The following OLFM3 variants were observed in gnomAD, a reference collection of about 807,000 sequenced individuals.
OLFM3 encodes the protein noelin-3.
A neutral mutation model predicts 48.6 loss-of-function variants in OLFM3; 20 were observed. The observed-to-expected ratio is 0.41, with a 90% CI of 0.29 to 0.60. OLFM3 has a LOEUF of 0.60. OLFM3 is among the 20% of genes least tolerant of loss of function. The pLI is 0.28. For synonymous variants in OLFM3, 222 were observed against 198.1 expected, an observed-to-expected ratio of 1.12 and a Z score of -1.01; for missense variants, 437 against 544.3, an observed-to-expected ratio of 0.80 and a Z score of 1.96.
intron 1 of OLFM3, among the ~76,000 whole-genome samples, chr1:101,875,501 C>T (rs1657262138): frequency 2.0e-5 from 3 of 152,112 alleles, no homozygotes; most frequent in Admixed American, 1.3e-4. Flanking sequence ...TATAGGAACA[C>T]TACTTTCCGC....
intron 4 of OLFM3, among the ~76,000 whole-genome samples, chr1:101,816,174 G>T (rs1037683324): frequency 6.6e-6 from 1 of 152,118 alleles, no homozygotes; most frequent in African/African-American, 2.4e-5. Context: ...GAAAAAGTGT[G>T]GTGATCCCAG....
intron 1 of OLFM3, 85 bp downstream of exon 1, chr1:101,996,662 GT>G: frequency 7.1e-7 from 1 of 1,411,988 alleles, no homozygotes; most frequent in Admixed American, 1.7e-5. Flanking sequence ...CTCTCGTCCC[GT>G]TTTTGACATA....
Position 101,804,909 on chromosome 1 carries a change from A to G in OLFM3, c.706T>C (p.Tyr236His). 6.2e-7 allele frequency: 1 copy of G among 1,606,666 alleles called. No individual in the cohort carries two copies. Among genetic ancestry groups the G allele is most frequent in the South Asian group, 1.1e-5 (1 of 90,400 alleles). The change falls in exon 6 of 6, where the codon TAC becomes CAC. Residue 236 changes from tyrosine to histidine, a missense_variant. This residue lies in a region of OLFM3 where 314 missense variants were observed against 365.5 expected (regional missense o/e 0.86). Transcript: ENST00000370103. This position sits in a 1 kb window ranked among gnomAD's most constrained non-coding sequence, Gnocchi z 4.5. Reference sequence around the variant, plus strand: ...TTATTGTTAGTATAACTGTCCATGTACCAGACCTGAGAAGAAGGAAAAAAA... The same window carrying G: ...TTATTGTTAGTATAACTGTCCATGTGCCAGACCTGAGAAGAAGGAAAAAAA... The part of the protein sequence containing the change: ...LASEKNNRVW[Y>H]MDSYTNNKIV...
intron 1 of OLFM3, among the ~76,000 whole-genome samples, chr1:101,973,402 G>T (rs1049786399): frequency 2.6e-5 from 4 of 152,136 alleles, no homozygotes; most frequent in African/African-American, 9.7e-5. Flanking sequence ...GGGCCTCAAG[G>T]GATTGGACGA....
intron 1 of OLFM3, among the ~76,000 whole-genome samples, chr1:101,889,748 C>G (rs1057281400): frequency 5.3e-5 from 8 of 151,846 alleles, no homozygotes; most frequent in Admixed American, 3.3e-4. Context: ...GTACATAAAA[C>G]TTAGCAGTAT....
intron 1 of OLFM3, among the ~76,000 whole-genome samples, chr1:101,948,961 G>C (rs1019363807): frequency 6.7e-6 from 1 of 150,340 alleles, no homozygotes; most frequent in Admixed American, 6.6e-5. Flanking sequence ...TGCCATTTTC[G>C]CACAAACTAT....
intron 1 of OLFM3, chr1:101,859,909 G>A (rs1454000646): frequency 1.3e-5 from 2 of 152,120 alleles, no homozygotes; most frequent in South Asian, 2.1e-4. Flanking sequence ...GGTTAGTGTG[G>A]CCCCTGCCCA....
chr1:101,898,018 A>G (rs555429903), intron 1 of OLFM3, among the ~76,000 whole-genome samples: 5 of 152,278 alleles, frequency 3.3e-5, no homozygotes, highest in South Asian at 2.1e-4. Context: ...AATTTTTATT[A>G]TATTCTCCTT....
chr1:101,973,924 T>G (rs1660878289), intron 1 of OLFM3, among the ~76,000 whole-genome samples: 1 of 152,186 alleles, frequency 6.6e-6, no homozygotes, highest in African/African-American at 2.4e-5. Context: ...CTTTCACTGT[T>G]TTCCCAAGGA....
chr1:101,983,445 T>C (rs7525912), intron 1 of OLFM3, among the ~76,000 whole-genome samples: 37,695 of 152,168 alleles, frequency 0.25, 5,247 homozygotes, highest in Middle Eastern at 0.36. Context: ...CATCCAGTAC[T>C]ATAATTATTA....
intron 1 of OLFM3, among the ~76,000 whole-genome samples, chr1:101,858,201 G>A (rs1196195455): frequency 6.6e-6 from 1 of 151,940 alleles, no homozygotes; most frequent in African/African-American, 2.4e-5. Flanking sequence ...TCAATAATAT[G>A]TGTACTAATA....
intron 4 of OLFM3, among the ~76,000 whole-genome samples, chr1:101,807,814 C>G (rs1251411409): frequency 6.6e-6 from 1 of 151,664 alleles, no homozygotes; most frequent in Non-Finnish European, 1.5e-5. Flanking sequence ...ACCAATAATT[C>G]AGAAGACTTT....
chr1:101,885,681 T>C (rs996873835), intron 1 of OLFM3, among the ~76,000 whole-genome samples: 1 of 152,136 alleles, frequency 6.6e-6, no homozygotes, highest in Non-Finnish European at 1.5e-5. Flanking sequence ...CTCTTTTCTA[T>C]GATTTTCTTA....
intron 4 of OLFM3, among the ~76,000 whole-genome samples, chr1:101,809,352 C>G (rs1653936918): frequency 6.6e-6 from 1 of 151,766 alleles, no homozygotes; most frequent in Non-Finnish European, 1.5e-5. Flanking sequence ...TTGTCACATG[C>G]AAACAGGTAG....
chr1:101,854,805 A>C (rs1656353286), intron 1 of OLFM3, among the ~76,000 whole-genome samples: 1 of 152,024 alleles, frequency 6.6e-6, no homozygotes, highest in African/African-American at 2.4e-5. Context: ...CTAGTAGATG[A>C]CTAGCCATGT....
chr1:101,894,213 G>A (rs11164324), intron 1 of OLFM3, among the ~76,000 whole-genome samples: 41,007 of 152,030 alleles, frequency 0.27, 5,728 homozygotes, highest in East Asian at 0.36. Flanking sequence ...TTTTTTAAAA[G>A]TTGACAAGGA....
intron 1 of OLFM3, among the ~76,000 whole-genome samples, chr1:101,914,640 G>A (rs954220506): frequency 6.6e-6 from 1 of 152,192 alleles, no homozygotes; most frequent in African/African-American, 2.4e-5. Context: ...GCTGGAAATT[G>A]TTCAAGAGTG....
intron 1 of OLFM3, among the ~76,000 whole-genome samples, chr1:101,933,710 G>C (rs1018549440): frequency 1.3e-5 from 2 of 152,114 alleles, no homozygotes; most frequent in Non-Finnish European, 1.5e-5. Flanking sequence ...AAGGCAGCTA[G>C]ATAGAAGGGG....
At chr1:101,925,187 G>A (rs1659232231) in intron 1 of OLFM3, among the ~76,000 whole-genome samples, 1 of 152,014 alleles carries the variant, frequency 6.6e-6, no homozygotes, top group African/African-American at 2.4e-5. Context: ...GTGCCAGAGA[G>A]GGAATAGTGG....
Sources: gnomAD v4.1 joint callset for allele counts (sites outside exome capture counted in the v4.1 genomes callset) on GRCh38, gnomAD v4.1.1 for gene constraint, gnomAD v4.1.1 regional missense constraint, Gnocchi (gnomAD v3.1) non-coding constraint, MANE v1.5 for transcripts, NCBI Gene and HGNC (gene_info 2026-07-23, HGNC 2026-07-21) for gene names.